Variants in PSG8 observed in about 807,000 individuals in gnomAD.
PSG8 encodes the protein pregnancy-specific beta-1-glycoprotein 8.
A neutral mutation model predicts 42.5 loss-of-function variants in PSG8; 57 were observed. The observed-to-expected ratio is 1.34, with a 90% CI of 1.08 to 1.67. The LOEUF is 1.67. Ranked by LOEUF, PSG8 falls within the 40% of genes most tolerant of loss-of-function variation. The pLI is 0.00. For synonymous variants in PSG8, 280 were observed against 196.8 expected (o/e 1.42, Z -3.54); for missense variants, 783 against 518.6 (o/e 1.51, Z -4.95).
At chr19:42,758,461 T>A in intron 2 of PSG8, 181 bp from the exon 3 acceptor site, 1 of 1,315,608 alleles carries the variant, frequency 7.6e-7, no homozygotes, top group South Asian at 1.5e-5. Context: ...GTTGTGAGGC[T>A]GCCTGCTTCA....
chr19:42,758,181 C>T lies in PSG8; in HGVS notation c.530G>A (p.Ser177Asn), dbSNP rs1483061049. The T allele has an allele frequency of 3.7e-6, 6 of 1,613,910 alleles. No individual in the cohort carries two copies. The highest frequency in any genetic ancestry group is 5.1e-6 in the Non-Finnish European group (6 of 1,179,970). Residue 177 changes from serine (S) to asparagine (N), a missense_variant, in exon 3 of 5, where the codon AGC becomes AAC. By Grantham distance (46) the Ser-to-Asn change is conservative. Coordinates refer to ENST00000306511, the MANE Select transcript of PSG8 (RefSeq NM_182707.3). The stretch of plus-strand genomic sequence containing the variant: ...CTGACCATTCATCCACCACAGGTAG[C>T]TTGCGTCCGGAGTCTCAGGATCACA... ...LTCDPETPDA[S>N]YLWWMNGQSL...
At position 42,755,142 on chromosome 19, in the gene PSG8, C is replaced by G. The variant is rs765843579; in HGVS notation, c.834G>C (p.Gln278His). The G allele has an allele frequency of 2.5e-6, 4 of 1,611,778 alleles. No homozygotes were observed. The East Asian group carries it at 8.9e-5, about 36-fold the overall frequency. The change falls in exon 4 of 5, where the codon CAG (glutamine) becomes CAC (histidine). Residue 278 changes from glutamine (Q) to histidine (H), a missense_variant. Gln to His is a conservative substitution (Grantham distance 24). Transcript: ENST00000306511. ...TTACCCTGGGACTGACCGGGAGGCTCTGACCATTTAGCCACCAAATGTAGG... is the reference window on the plus strand; with the variant it reads ...TTACCCTGGGACTGACCGGGAGGCTGTGACCATTTAGCCACCAAATGTAGG... ...NYTYIWWLNG[Q>H]SLPVSPRVKR...
intron 2 of PSG8, among the ~76,000 whole-genome samples, chr19:42,761,646 C>T (rs1970076308): frequency 6.6e-6 from 1 of 151,932 alleles, no homozygotes; most frequent in South Asian, 2.1e-4. Flanking sequence ...ATTCCATCAC[C>T]AAACAATCAG....
At chr19:42,753,049 A>G (rs911347525), downstream of PSG8, 4 of 575,502 alleles carry the variant, frequency 7.0e-6, no homozygotes, top group Non-Finnish European at 1.2e-5. Flanking sequence ...TGAAAGAGGC[A>G]GGCATGAGCA....
intron 2 of PSG8, among the ~76,000 whole-genome samples, chr19:42,760,218 A>G (rs1269893312): frequency 1.3e-5 from 2 of 152,164 alleles, no homozygotes; most frequent in African/African-American, 4.8e-5. Flanking sequence ...CCCCACACGC[A>G]GAACTCCAAC....
rs372980211 is a variant in PSG8, at chr19:42,758,044, CT to C, written c.666del (p.Val223Ter). The part of the protein sequence containing the change: ...AGPYECEIRN[P>X]VSASRSDPFT... Reference sequence around the variant, plus strand: ...AATGGGTCACTGCGGCTGGCACTCACTGGGTTCCGTATTTCACATTCATAGG... The same window carrying C: ...AATGGGTCACTGCGGCTGGCACTCACGGGTTCCGTATTTCACATTCATAGG... On this transcript the variant is annotated frameshift_variant, in exon 3 of 5. Transcript: ENST00000306511. LOFTEE classifies it high-confidence loss of function. 159 of 1,614,044 alleles carry C rather than the reference CT, an allele frequency of 9.9e-5. 1 individual carries two copies. The African/African-American group carries it at 1.7e-3, about 17-fold the overall frequency.
intron 2 of PSG8, among the ~76,000 whole-genome samples, chr19:42,760,318 G>T (rs1336476938): frequency 6.6e-6 from 1 of 152,110 alleles, no homozygotes. Context: ...ACCTCCAACT[G>T]GTCCCCAAAA....
rs752752664 is a variant in PSG8 at position 42,755,241 on chromosome 19, G to C, written c.735C>G (p.Thr245=). Residue 245 remains threonine, a synonymous_variant, in exon 4 of 5, where the codon ACC becomes ACG. Coordinates refer to ENST00000306511, the MANE Select transcript of PSG8 (RefSeq NM_182707.3). ...LLPKLPKPYI[T]INNLKPRENK... is the part of the protein sequence containing the mutation. ...TCTCCCTGGGTTTTAAGTTGTTGAT[G>C]GTGATGTAGGGCTTGGGCAGCTTCG... The C allele has an allele frequency of 6.2e-7, 1 of 1,612,194 alleles. No individual in the cohort carries two copies. The highest frequency in any genetic ancestry group is 1.7e-5 in the Admixed American group (1 of 60,002).
intron 1 of PSG8, among the ~76,000 whole-genome samples, chr19:42,764,729 G>C (rs1472448523): frequency 6.6e-6 from 1 of 152,108 alleles, no homozygotes; most frequent in East Asian, 1.9e-4. Flanking sequence ...TTACATTCTA[G>C]ATCTCTTTGC....
rs2122236955 is a variant in PSG8, at chr19:42,755,244, G to A, written c.732C>T (p.Ile244=). The A allele has an allele frequency of 1.9e-6, 3 of 1,612,254 alleles. No individual in the cohort carries two copies. Among genetic ancestry groups the A allele is most frequent in the Non-Finnish European group, 1.7e-6 (2 of 1,179,794 alleles). ...CCCTGGGTTTTAAGTTGTTGATGGT[G>A]ATGTAGGGCTTGGGCAGCTTCGCTG... ...NLLPKLPKPY[I]TINNLKPREN... Residue 244 remains isoleucine, a synonymous_variant, in exon 4 of 5, where the codon ATC becomes ATT. Transcript: ENST00000306511.
rs747483891 is a variant in PSG8, at chr19:42,763,897, A to G, written c.430+19T>C. ...GACCCCTGTCCCCCAACACCCAGGG[A>G]TCATGTGGAATCACTCACGATATAA... is the stretch of plus-strand genomic sequence containing the variant. On this transcript the variant is annotated intron_variant, in intron 2 of 4. Coordinates refer to ENST00000306511, the MANE Select transcript of PSG8 (RefSeq NM_182707.3). The G allele has an allele frequency of 3.7e-6, 6 of 1,613,458 alleles. No individual in the cohort carries two copies. In the African/African-American group the frequency reaches 8.0e-5, roughly 22 times the overall value.
intron 1 of PSG8, among the ~76,000 whole-genome samples, chr19:42,765,272 C>A (rs752948977): frequency 6.6e-6 from 1 of 151,888 alleles, no homozygotes. Context: ...TCTGCCTCAG[C>A]CTCCCGAGTA....
At position 42,760,667 on chromosome 19, in the gene PSG8, C is replaced by G. The variant is rs557826594; in HGVS notation, c.431-2387G>C. Among the ~76,000 whole-genome samples the G allele has an allele frequency of 2.0e-5, 3 of 152,096 alleles. No homozygotes were observed. In the South Asian group the frequency reaches 6.3e-4, roughly 32 times the overall value. ...GCATGATCTCATCTCACTGCAAGCT[C>G]TGCCTCCTAGGTTCACGCCATTCTC... On this transcript the variant is annotated intron_variant, in intron 2 of 4. Transcript: ENST00000306511.
At position 42,758,240 on chromosome 19, in the gene PSG8, G is replaced by T. The variant is rs140758943; in HGVS notation, c.471C>A (p.Asn157Lys). The change falls in exon 3 of 5, where the codon AAC becomes AAA. Residue 157 changes from asparagine (N) to lysine (K), a missense_variant. Asn to Lys is a moderately conservative substitution (Grantham distance 94, BLOSUM62 0). Coordinates refer to ENST00000306511, the MANE Select transcript of PSG8 (RefSeq NM_182707.3). ...TCACAGCCTCCATGGCCTCCCTGGG[G>T]TTTAATTTGCTGCTGGAGATGGAGG... is the stretch of plus-strand genomic sequence containing the variant. ...PKPSISSSKL[N>K]PREAMEAVSL... 57 of 1,613,920 alleles carry T rather than the reference G, an allele frequency of 3.5e-5. No homozygotes were observed. The Middle Eastern group carries it at 6.6e-4, about 19-fold the overall frequency.
intron 2 of PSG8, 151 bp downstream of exon 2, chr19:42,763,765 C>G: frequency 7.0e-7 from 1 of 1,438,604 alleles, no homozygotes; most frequent in Non-Finnish European, 9.7e-7. Flanking sequence ...TTTGTCTCCT[C>G]TGTGTGTGTC....
chr19:42,759,291 G>A (rs895700811), intron 2 of PSG8, among the ~76,000 whole-genome samples: 3 of 152,120 alleles, frequency 2.0e-5, no homozygotes, highest in African/African-American at 7.2e-5. Context: ...GAGTGAATCA[G>A]AGAGTAGAAT....
At chr19:42,755,475 C>T (rs1969901237) in intron 3 of PSG8, 2 of 1,102,796 alleles carry the variant, frequency 1.8e-6, no homozygotes, top group Admixed American at 2.9e-5. Flanking sequence ...GAAGCACAGA[C>T]TTTCTCAAGT....
intron 2 of PSG8, among the ~76,000 whole-genome samples, chr19:42,759,753 A>G (rs1970027217): frequency 6.6e-6 from 1 of 152,168 alleles, no homozygotes; most frequent in Admixed American, 6.5e-5. Context: ...AAACATTAAA[A>G]TGTTTTCATG....
rs1247193012 is a variant in PSG8 at position 42,754,468 on chromosome 19, C to T, written c.1108G>A (p.Gly370Arg). The change falls in exon 5 of 5, where the codon GGG (glycine) becomes AGG (arginine). Residue 370 changes from glycine to arginine, a missense_variant. Transcript: ENST00000306511. ...TTTTGTCCTGATAGCTGAAACTTCC[C>T]ATTAATTGTCCAAGAATACTGTGCC... ...PPAQYSWTINGKFQLSGQKLF... is the reference protein window; with the variant it reads ...PPAQYSWTINRKFQLSGQKLF... 31 of 1,613,768 alleles carry T rather than the reference C, an allele frequency of 1.9e-5. 1 individual carries two copies. Among genetic ancestry groups the T allele is most frequent in the Non-Finnish European group, 2.5e-5 (30 of 1,179,890 alleles).
Sources: allele counts gnomAD v4.1 joint callset (sites outside exome capture counted in the v4.1 genomes callset), GRCh38; gene constraint gnomAD v4.1.1; transcripts MANE v1.5; gene names NCBI Gene and HGNC (gene_info 2026-07-23, HGNC 2026-07-21).